Variants in PTPN3 observed in about 807,000 individuals in gnomAD.
PTPN3 encodes the protein tyrosine-protein phosphatase non-receptor type 3.
PTPN3 carries 96 observed loss-of-function variants against 132.7 expected under a neutral mutation model. That is an observed-to-expected ratio of 0.72 (90% confidence interval 0.61 to 0.86). The LOEUF (loss-of-function observed/expected upper bound fraction) is 0.86. PTPN3 is among the 40% of genes least tolerant of loss of function. The pLI, the probability that PTPN3 is intolerant of heterozygous loss-of-function variation, is 0.00. For missense variants in PTPN3, 1,125 were observed against 1,159.6 expected (o/e 0.97, Z 0.43); for synonymous variants, 398 against 429.0 (o/e 0.93, Z 0.89).
intron 4 of PTPN3, 165 bp downstream of exon 4, chr9:109,457,008 T>G (rs1445775113): frequency 5.9e-6 from 4 of 683,692 alleles, no homozygotes; most frequent in Non-Finnish European, 1.0e-5. Context: ...TGGAAGCATC[T>G]CTGCTGACTC....
chr9:109,502,049 T>C (rs2132142615), upstream of PTPN3, among the ~76,000 whole-genome samples: 1 of 152,298 alleles, frequency 6.6e-6, no homozygotes, highest in African/African-American at 2.4e-5. Flanking sequence ...AAGAGCATCA[T>C]TTTATTGGAG....
chr9:109,527,760 A>G, the PTPN3 span, among the ~76,000 whole-genome samples: 1 of 152,242 alleles, frequency 6.6e-6, no homozygotes. Flanking sequence ...CATATCAATA[A>G]AAATAGATAA....
chr9:109,466,269 G>A (rs1464433976), intron 1 of PTPN3, among the ~76,000 whole-genome samples: 1 of 152,172 alleles, frequency 6.6e-6, no homozygotes, highest in Non-Finnish European at 1.5e-5. Context: ...CTATATAGCA[G>A]TACTGCAGTA....
intron 2 of PTPN3, 108 bp downstream of exon 2, chr9:109,463,189 G>A (rs887016152): frequency 1.7e-6 from 2 of 1,182,548 alleles, no homozygotes; most frequent in Non-Finnish European, 2.3e-6. Flanking sequence ...GAGATCTCAA[G>A]CTTTCATTTT....
At chr9:109,422,252 C>T (rs1223509868) in intron 13 of PTPN3, among the ~76,000 whole-genome samples, 4 of 152,178 alleles carry the variant, frequency 2.6e-5, no homozygotes, top group Non-Finnish European at 5.9e-5. Context: ...TTAAGTTGGC[C>T]TGCTACTTAC....
chr9:109,486,372 C>G (rs1384046211), intron 1 of PTPN3, among the ~76,000 whole-genome samples: 3 of 151,976 alleles, frequency 2.0e-5, no homozygotes, highest in Non-Finnish European at 4.4e-5. Flanking sequence ...GAGGTACAGG[C>G]GCAAGGGGCC....
At chr9:109,466,384 T>A (rs1306255260) in intron 1 of PTPN3, among the ~76,000 whole-genome samples, 3 of 152,116 alleles carry the variant, frequency 2.0e-5, no homozygotes, top group Non-Finnish European at 4.4e-5. Context: ...GCACCTGTAG[T>A]CCCAGCTACT....
At position 109,377,146 on chromosome 9, in the gene PTPN3, A is replaced by C. The variant is rs570781776; in HGVS notation, c.*2410T>G. On this transcript the variant is annotated 3_prime_UTR_variant, in exon 26 of 26. Transcript: ENST00000374541. Reference sequence around the variant, plus strand: ...TGCTAAATATCCTAATGGCATTTAAATTTTTGCCAGCGTTCCCTCCATCCC... The same window carrying C: ...TGCTAAATATCCTAATGGCATTTAACTTTTTGCCAGCGTTCCCTCCATCCC... The C allele has an allele frequency of 6.6e-6, 1 of 152,218 alleles. No individual in the cohort carries two copies. Among genetic ancestry groups the C allele is most frequent in the African/African-American group, 2.4e-5 (1 of 41,508 alleles). The allele number at this position is 152,218 out of a possible 1,614,324, so 9.4% of individuals were successfully genotyped here.
At chr9:109,439,063 G>C (rs1474057698) in intron 7 of PTPN3, among the ~76,000 whole-genome samples, 1 of 152,064 alleles carries the variant, frequency 6.6e-6, no homozygotes, top group Non-Finnish European at 1.5e-5. Context: ...TTGAATTGTT[G>C]ATGCCTATGA....
intron 16 of PTPN3, 30 bp from the exon 17 acceptor site, chr9:109,408,407 A>T: frequency 6.5e-7 from 1 of 1,528,974 alleles, no homozygotes; most frequent in Non-Finnish European, 8.8e-7. Flanking sequence ...AAAACAAAAC[A>T]AAGTTTTTTA....
the PTPN3 span, among the ~76,000 whole-genome samples, chr9:109,528,851 A>G: frequency 6.6e-6 from 1 of 151,958 alleles, no homozygotes; most frequent in Non-Finnish European, 1.5e-5. Flanking sequence ...TTAGTTGTAC[A>G]TATCTAATCA....
intron 19 of PTPN3, among the ~76,000 whole-genome samples, chr9:109,399,925 G>T (rs577870161): frequency 1.2e-3 from 182 of 149,512 alleles, no homozygotes; most frequent in Non-Finnish European, 2.2e-3. Context: ...TCCAAACCCA[G>T]CACAACACAG....
chr9:109,433,153 G>C lies in PTPN3; in HGVS notation c.684C>G (p.His228Gln). ...CAATTCCAATCATTAGGTCTAAATT[G>C]TGCAGATCCTGTAAAAAGGAAGATC... ...GVELHSGRDL[H>Q]NLDLMIGIAS... The change falls in exon 10 of 26, where the codon CAC (histidine) becomes CAG (glutamine). Residue 228 changes from histidine (H) to glutamine (Q), a missense_variant. By Grantham distance (24) the His-to-Gln change is conservative. Transcript: ENST00000374541. 1 of 1,614,002 alleles carries C rather than the reference G, an allele frequency of 6.2e-7. No homozygotes were observed. The highest frequency in any genetic ancestry group is 8.5e-7 in the Non-Finnish European group (1 of 1,179,970).
At chr9:109,449,335 AC>A (rs776782447) in intron 5 of PTPN3, 10 of 987,228 alleles carry the variant, frequency 1.0e-5, no homozygotes, top group Non-Finnish European at 1.1e-5. Context: ...CTGTGAAGAC[AC>A]CTTCTTGGCT....
chr9:109,452,944 C>CTCTG (rs1491270242), intron 5 of PTPN3, among the ~76,000 whole-genome samples: 1 of 152,080 alleles, frequency 6.6e-6, no homozygotes, highest in Admixed American at 6.5e-5. Context: ...TCATCACCAG[C>CTCTG]TCTGTGTCCG....
Position 109,448,699 on chromosome 9 carries a change from C to T in PTPN3, c.413+112G>A. 1.0e-5 allele frequency: 11 copies of T among 1,055,400 alleles called. No individual in the cohort carries two copies. The South Asian group carries it at 1.1e-4, about 11-fold the overall frequency. 65.4% of individuals were successfully genotyped at this position (1,055,400 alleles called of 1,614,324 possible). A position where few individuals can be genotyped will look rare whatever the true frequency, so the allele number is the denominator to read the frequency against. ...GCCTAATGCTGTACAGGATGCTTTG[C>T]ACATCCACTCTGTTTAGATTTGATA... On this transcript the variant is annotated intron_variant, in intron 6 of 25. Coordinates refer to ENST00000374541, the MANE Select transcript of PTPN3 (RefSeq NM_002829.4).
chr9:109,433,665 C>T (rs1347130955), intron 9 of PTPN3, among the ~76,000 whole-genome samples: 3 of 152,076 alleles, frequency 2.0e-5, no homozygotes, highest in Admixed American at 1.3e-4. Flanking sequence ...CAGCACTTTA[C>T]GAGGCCAAGG....
intron 7 of PTPN3, among the ~76,000 whole-genome samples, chr9:109,442,093 G>A: frequency 6.6e-6 from 1 of 152,022 alleles, no homozygotes; most frequent in East Asian, 1.9e-4. Flanking sequence ...TGTTGCCCAG[G>A]CTGGAGCACA....
chr9:109,415,078 C>CCATT (rs1842385711), intron 14 of PTPN3, among the ~76,000 whole-genome samples: 2 of 20,242 alleles, frequency 9.9e-5, no homozygotes, highest in South Asian at 3.1e-3. Flanking sequence ...GTCCATCCAA[C>CCATT]CATCCATCCA....
Sources: gnomAD v4.1 joint callset for allele counts (sites outside exome capture counted in the v4.1 genomes callset) on GRCh38, gnomAD v4.1.1 for gene constraint, MANE v1.5 for transcripts, NCBI Gene and HGNC (gene_info 2026-07-23, HGNC 2026-07-21) for gene names.